ALX4: variants seen among roughly 807,000 people sequenced by gnomAD.
ALX4 encodes ALX homeobox 4, also known as homeobox protein aristaless-like 4.
Under a neutral mutation model 40.6 loss-of-function variants are expected in ALX4, and 22 were observed. The ratio of observed to expected loss-of-function variants is 0.54; its 90% CI spans 0.39 to 0.77. The LOEUF (loss-of-function observed/expected upper bound fraction) is 0.77, where lower values mean the gene tolerates loss of function less well. Ranked by LOEUF, ALX4 falls within the 30% of genes least tolerant of loss-of-function variation. The pLI is 0.00. For missense variants in ALX4, 556 were observed against 564.8 expected, an observed-to-expected ratio of 0.98 and a Z score of 0.16; for synonymous variants, 266 against 240.5, an observed-to-expected ratio of 1.11 and a Z score of -0.98.
rs188243588 is a variant in ALX4 at position 44,283,186 on chromosome 11, A to G, written c.467-7528T>C. On this transcript the variant is annotated intron_variant, in intron 1 of 3. Transcript: ENST00000652299. ...CGCTTGAACACGGGAGGTGCAGATT[A>G]CACTGAACTGAGATCATGCCATTGC... is the stretch of plus-strand genomic sequence containing the variant. Among the ~76,000 whole-genome samples, 256 of 151,572 alleles carry G rather than the reference A, an allele frequency of 1.7e-3. 1 individual carries two copies. The highest frequency in any genetic ancestry group is 5.8e-3 in the African/African-American group (240 of 41,308).
intron 1 of ALX4, among the ~76,000 whole-genome samples, chr11:44,276,959 C>T (rs1956281560): frequency 6.6e-6 from 1 of 152,122 alleles, no homozygotes; most frequent in African/African-American, 2.4e-5. Flanking sequence ...GGTACTGGTC[C>T]ACAGCCTGGG....
chr11:44,293,603 G>A (rs1233355225), intron 1 of ALX4, among the ~76,000 whole-genome samples: 2 of 152,184 alleles, frequency 1.3e-5, no homozygotes, highest in South Asian at 2.1e-4. Context: ...GGGCTCTGTG[G>A]AATCTTCTCT....
At chr11:44,286,876 T>C (rs1026151701) in intron 1 of ALX4, among the ~76,000 whole-genome samples, 2 of 152,214 alleles carry the variant, frequency 1.3e-5, no homozygotes, top group Non-Finnish European at 2.9e-5. Context: ...ACAGACAGGC[T>C]GAGACCTGGG....
Position 44,264,569 on chromosome 11 carries a change from A to C in ALX4, c.*285T>G. On this transcript the variant is annotated 3_prime_UTR_variant, in exon 4 of 4. Coordinates refer to ENST00000652299, the MANE Select transcript of ALX4 (RefSeq NM_021926.4). ...GGGAGCAAGAAAGCGCTTTCAGCTT[A>C]TCATGGATGCGAAGCTGAAAAACGT... The C allele has an allele frequency of 1.8e-6, 1 of 543,288 alleles. No homozygotes were observed. Among genetic ancestry groups the C allele is most frequent in the East Asian group, 3.1e-5 (1 of 32,212 alleles). The allele number at this position is 543,288 out of a possible 1,614,324, so 33.7% of individuals were successfully genotyped here. A position where few individuals can be genotyped will look rare whatever the true frequency, so the allele number is the denominator to read the frequency against.
chr11:44,294,414 A>G (rs1956391007), intron 1 of ALX4, among the ~76,000 whole-genome samples: 1 of 152,188 alleles, frequency 6.6e-6, no homozygotes, highest in Admixed American at 6.5e-5. Flanking sequence ...GGACAGGCTG[A>G]AGTTCTGGGT....
intron 1 of ALX4, among the ~76,000 whole-genome samples, chr11:44,307,423 A>G (rs1185539781): frequency 6.6e-6 from 1 of 152,234 alleles, no homozygotes; most frequent in Non-Finnish European, 1.5e-5. Context: ...GTGGGGGCCC[A>G]GCAGGACACA....
intron 1 of ALX4, among the ~76,000 whole-genome samples, chr11:44,290,154 T>G (rs1956361269): frequency 2.0e-5 from 3 of 152,200 alleles, no homozygotes; most frequent in Admixed American, 1.3e-4. Context: ...TCCCAAGACA[T>G]CTCTCACTTA....
intron 1 of ALX4, among the ~76,000 whole-genome samples, chr11:44,282,438 C>T (rs562493704): frequency 6.6e-6 from 1 of 152,236 alleles, no homozygotes; most frequent in East Asian, 1.9e-4. Flanking sequence ...TAACACTGAC[C>T]TCATGACCCA....
intron 1 of ALX4, among the ~76,000 whole-genome samples, chr11:44,279,231 T>C (rs1219522773): frequency 2.0e-5 from 3 of 152,182 alleles, no homozygotes; most frequent in African/African-American, 7.2e-5. Context: ...TCTGGTTCAC[T>C]GATTCCAGTT....
chr11:44,260,690 C>T lies in ALX4; in HGVS notation c.*4164G>A, dbSNP rs1956177536. 1 of 151,968 alleles carries T rather than the reference C, an allele frequency of 6.6e-6. No individual in the cohort carries two copies. The highest frequency in any genetic ancestry group is 2.1e-4 in the South Asian group (1 of 4,824). 9.4% of individuals were successfully genotyped at this position (151,968 alleles called of 1,614,324 possible). On this transcript the variant is annotated 3_prime_UTR_variant, in exon 4 of 4. Coordinates refer to ENST00000652299, the MANE Select transcript of ALX4 (RefSeq NM_021926.4). The stretch of plus-strand genomic sequence containing the variant: ...TAATGTAGTTACATGGTGGTATAGG[C>T]AGTAAAACTTTATGGAACCGACCTC...
chr11:44,308,247 G>T (rs1369806957), intron 1 of ALX4, among the ~76,000 whole-genome samples: 5 of 152,258 alleles, frequency 3.3e-5, no homozygotes, highest in Non-Finnish European at 5.9e-5. Flanking sequence ...GACTGTGAAT[G>T]TTTGTCAGCA....
At chr11:44,276,935 A>G (rs182714429) in intron 1 of ALX4, among the ~76,000 whole-genome samples, 167 of 152,170 alleles carry the variant, frequency 1.1e-3, no homozygotes, top group African/African-American at 3.9e-3. Flanking sequence ...CCGGTTACTA[A>G]CAGGCCATGG....
chr11:44,268,402 G>A (rs1590687153), intron 2 of ALX4, among the ~76,000 whole-genome samples: 3 of 152,332 alleles, frequency 2.0e-5, no homozygotes, highest in African/African-American at 7.2e-5. Flanking sequence ...TTTTCCCTTG[G>A]TGCTGTCTGT....
intron 1 of ALX4, among the ~76,000 whole-genome samples, chr11:44,289,757 G>A (rs1259472930): frequency 6.6e-6 from 1 of 152,130 alleles, no homozygotes; most frequent in Admixed American, 6.5e-5. Context: ...GGGTGGGATG[G>A]GTGTTCCAGC....
intron 2 of ALX4, among the ~76,000 whole-genome samples, chr11:44,271,154 C>G (rs1956244590): frequency 6.1e-3 from 1 of 164 alleles, no homozygotes; most frequent in Non-Finnish European, 0.013. Context: ...TCACCACCCC[C>G]TTACCCCCCC....
chr11:44,293,679 G>A (rs573876190), intron 1 of ALX4, among the ~76,000 whole-genome samples: 4 of 152,238 alleles, frequency 2.6e-5, no homozygotes, highest in Non-Finnish European at 5.9e-5. Flanking sequence ...TCCCTGAGGA[G>A]GCCTGGCCCT....
chr11:44,289,119 C>T lies in ALX4; in HGVS notation c.467-13461G>A, dbSNP rs74847487. On this transcript the variant is annotated intron_variant, in intron 1 of 3. Coordinates refer to ENST00000652299, the MANE Select transcript of ALX4 (RefSeq NM_021926.4). The stretch of plus-strand genomic sequence containing the variant: ...GGGCAAAAGTCTTGTTTCCCAGACA[C>T]GGCAGGGCCCACAGAAAGGAGCGGT... 7.6e-3 allele frequency among the ~76,000 whole-genome samples: 1,165 copies of T among 152,300 alleles called. 29 individuals carry two copies. The South Asian group carries it at 0.1, about 13-fold the overall frequency.
At chr11:44,291,658 A>G (rs11037939) in intron 1 of ALX4, among the ~76,000 whole-genome samples, 102,380 of 151,582 alleles carry the variant, frequency 0.68, 34,817 homozygotes, top group South Asian at 0.89. Context: ...CGCCCGCCTC[A>G]GCCTCCCGAA....
chr11:44,291,418 C>CTTTTTTTTT (rs56098274), intron 1 of ALX4, among the ~76,000 whole-genome samples: 2 of 148,940 alleles, frequency 1.3e-5, no homozygotes, highest in Admixed American at 1.3e-4. Context: ...TTCTTTCTTT[C>CTTTTTTTTT]TTTTTTTGGA....
Sources: gnomAD v4.1 joint callset for allele counts (sites outside exome capture counted in the v4.1 genomes callset) on GRCh38, gnomAD v4.1.1 for gene constraint, MANE v1.5 for transcripts, NCBI Gene and HGNC (gene_info 2026-07-23, HGNC 2026-07-21) for gene names.